Variants in EIF2AK4 observed in about 807,000 individuals in gnomAD.
EIF2AK4 encodes the protein eukaryotic translation initiation factor 2 alpha kinase 4.
A neutral mutation model predicts 211.1 loss-of-function variants in EIF2AK4; 139 were observed. The observed-to-expected ratio is 0.66, with a 90% CI of 0.57 to 0.76. EIF2AK4 has a LOEUF of 0.76. EIF2AK4 is among the 30% of genes least tolerant of loss of function. The probability of loss-of-function intolerance (pLI) is 0.00; values close to 1 mark genes in which losing one functional copy is unlikely to be tolerated. For synonymous variants in EIF2AK4, 710 were observed against 751.3 expected, an observed-to-expected ratio of 0.94 and a Z score of 0.90; for missense variants, 1,664 against 2,043.8, an observed-to-expected ratio of 0.81 and a Z score of 3.58.
At chr15:39,961,046 T>C (rs1448932157) in intron 6 of EIF2AK4, among the ~76,000 whole-genome samples, 1 of 152,108 alleles carries the variant, frequency 6.6e-6, no homozygotes, top group East Asian at 1.9e-4. Context: ...CCTGCAACCC[T>C]CTCCCCTAAT....
intron 37 of EIF2AK4, among the ~76,000 whole-genome samples, 169 bp from the exon 38 acceptor site, chr15:40,034,155 GCT>G (rs962773772): frequency 1.3e-5 from 2 of 152,080 alleles, no homozygotes; most frequent in African/African-American, 4.8e-5. Flanking sequence ...GAAAACTGGT[GCT>G]TCAGAGGAAC....
intron 21 of EIF2AK4, 48 bp from the exon 22 acceptor site, chr15:40,002,665 C>A (rs1282617973): frequency 1.3e-6 from 2 of 1,584,148 alleles, no homozygotes; most frequent in African/African-American, 1.3e-5. Context: ...TTTAAAGGAT[C>A]CCTTTGATAA....
chr15:39,955,534 T>A, intron 5 of EIF2AK4, 86 bp from the exon 6 acceptor site: 1 of 1,378,616 alleles, frequency 7.3e-7, no homozygotes, highest in Non-Finnish European at 9.8e-7. Flanking sequence ...AAAATTTGCA[T>A]TCTATACTGA....
chr15:40,032,259 T>C (rs766051503), intron 36 of EIF2AK4, 22 bp downstream of exon 36: 1 of 1,608,602 alleles, frequency 6.2e-7, no homozygotes, highest in Admixed American at 1.7e-5. Flanking sequence ...TCTTTAGTAT[T>C]TTGAAGGTGG....
intron 3 of EIF2AK4, among the ~76,000 whole-genome samples, chr15:39,944,449 T>TTTTTTTTTTTA: frequency 6.6e-6 from 1 of 150,398 alleles, no homozygotes; most frequent in East Asian, 2.0e-4. Flanking sequence ...TTTTTTTTTT[T>TTTTTTTTTTTA]GAGGCGGAGT....
chr15:39,980,940 C>G (rs903389173), intron 13 of EIF2AK4, among the ~76,000 whole-genome samples: 3 of 151,944 alleles, frequency 2.0e-5, no homozygotes, highest in African/African-American at 7.3e-5. Flanking sequence ...TAAGTGTAGA[C>G]TCTTAAATAA....
At position 39,973,688 on chromosome 15, in the gene EIF2AK4, A is replaced by T. The variant is rs2034655295; in HGVS notation, c.1757A>T (p.Tyr586Phe). 2 of 1,614,036 alleles carry T rather than the reference A, an allele frequency of 1.2e-6. No individual in the cohort carries two copies. Among genetic ancestry groups the T allele is most frequent in the Middle Eastern group, 1.6e-4 (1 of 6,084 alleles). Residue 586 changes from tyrosine (Y) to phenylalanine (F), a missense_variant, in exon 11 of 39, where the codon TAC (tyrosine) becomes TTC (phenylalanine). This residue lies in a region of EIF2AK4 where 641 missense variants were observed against 729.6 expected (regional missense o/e 0.88). Coordinates refer to ENST00000263791, the MANE Select transcript of EIF2AK4 (RefSeq NM_001013703.4). ...GAGACACAGAGACAGTTTTCCCGAT[A>T]CTTCATTGAGTTTGAAGAATTACAA... ...FSETQRQFSR[Y>F]FIEFEELQLL...
At chr15:39,982,960 G>A (rs1049059755) in intron 13 of EIF2AK4, among the ~76,000 whole-genome samples, 5 of 152,202 alleles carry the variant, frequency 3.3e-5, no homozygotes, top group Non-Finnish European at 7.3e-5. Flanking sequence ...GGACATTTGG[G>A]TTGATTCCAA....
chr15:40,005,946 C>T (rs1411332182), intron 23 of EIF2AK4, among the ~76,000 whole-genome samples: 1 of 151,578 alleles, frequency 6.6e-6, no homozygotes, highest in Non-Finnish European at 1.5e-5. Flanking sequence ...ATCCATGGAT[C>T]CAACCGAGGA....
intron 12 of EIF2AK4, 128 bp from the exon 13 acceptor site, chr15:39,977,950 C>A: frequency 1.8e-6 from 1 of 569,908 alleles, no homozygotes. Context: ...GTAGAGTATA[C>A]ATTGATGCCT....
chr15:40,035,118 G>A lies in EIF2AK4; in HGVS notation c.*34G>A. 1.4e-6 allele frequency: 2 copies of A among 1,425,248 alleles called. No homozygotes were observed. The highest frequency in any genetic ancestry group is 1.9e-6 in the Non-Finnish European group (2 of 1,046,092). The allele number at this position is 1,425,248 out of a possible 1,614,324, so 88.3% of individuals were successfully genotyped here. A position where few individuals can be genotyped will look rare whatever the true frequency, so the allele number is the denominator to read the frequency against. On this transcript the variant is annotated 3_prime_UTR_variant, in exon 39 of 39. Transcript: ENST00000263791. ...AACTGTCGTTAACCTCATTCAAACA[G>A]ACAGAGGCTTATACTGGAATAATGG...
intron 33 of EIF2AK4, among the ~76,000 whole-genome samples, chr15:40,028,871 C>T (rs77343678): frequency 0.014 from 2,121 of 152,274 alleles, 47 homozygotes; most frequent in African/African-American, 0.049. Flanking sequence ...AAAGTTTTTC[C>T]TCCAGCAAAT....
intron 13 of EIF2AK4, among the ~76,000 whole-genome samples, chr15:39,985,207 T>C (rs1039669135): frequency 6.6e-6 from 1 of 152,208 alleles, no homozygotes; most frequent in African/African-American, 2.4e-5. Flanking sequence ...GAAGCTGACT[T>C]GGTCGTGGTG....
chr15:40,009,984 T>C (rs918399676), intron 26 of EIF2AK4, among the ~76,000 whole-genome samples: 4 of 152,246 alleles, frequency 2.6e-5, no homozygotes, highest in African/African-American at 7.2e-5. Flanking sequence ...TTTAAAAGGC[T>C]AACTTCTAAT....
intron 11 of EIF2AK4, 42 bp downstream of exon 11, chr15:39,973,791 C>T (rs1408573458): frequency 1.2e-6 from 2 of 1,603,050 alleles, no homozygotes; most frequent in Non-Finnish European, 1.7e-6. Flanking sequence ...AGAGCTCCTT[C>T]TCTGTTCCAT....
intron 19 of EIF2AK4, among the ~76,000 whole-genome samples, chr15:39,997,518 C>T (rs577216440): frequency 1.3e-5 from 2 of 152,088 alleles, no homozygotes; most frequent in Admixed American, 1.3e-4. Flanking sequence ...GAAGAAGCCA[C>T]AAAATTGGGC....
At chr15:40,029,857 GAT>G (rs971160704) in intron 34 of EIF2AK4, among the ~76,000 whole-genome samples, 13 of 152,198 alleles carry the variant, frequency 8.5e-5, no homozygotes, top group African/African-American at 3.1e-4. Context: ...GCACAGTGGT[GAT>G]AGTTATGCCT....
intron 33 of EIF2AK4, among the ~76,000 whole-genome samples, chr15:40,027,815 C>T (rs1277792298): frequency 6.6e-6 from 1 of 151,284 alleles, no homozygotes; most frequent in Non-Finnish European, 1.5e-5. Flanking sequence ...GGCGTGAACC[C>T]GGGAGGTGGA....
chr15:39,967,361 A>G lies in EIF2AK4; in HGVS notation c.1035A>G (p.Thr345=), dbSNP rs200078351. The G allele has an allele frequency of 8.5e-5, 136 of 1,591,956 alleles. 2 individuals carry two copies. The East Asian group carries it at 2.9e-3, about 34-fold the overall frequency. Residue 345 remains threonine (T), a synonymous_variant, in exon 9 of 39, where the codon ACA becomes ACG. Coordinates refer to ENST00000263791, the MANE Select transcript of EIF2AK4 (RefSeq NM_001013703.4). The stretch of plus-strand genomic sequence containing the variant: ...CTTATCAGATTCAAGGAACAGAAAC[A>G]GAATTCAACTCACTGGTAAAATTGA... ...KCKKQIQGTE[T]EFNSLVKLSH... is the part of the protein sequence containing the mutation.
Sources: gnomAD v4.1 joint callset for allele counts (sites outside exome capture counted in the v4.1 genomes callset) on GRCh38, gnomAD v4.1.1 for gene constraint, gnomAD v4.1.1 regional missense constraint, MANE v1.5 for transcripts, NCBI Gene and HGNC (gene_info 2026-07-23, HGNC 2026-07-21) for gene names.